GAREM1: variants seen among roughly 807,000 people sequenced by gnomAD.
GAREM1 encodes the protein GRB2 associated regulator of MAPK1 subtype 1, also known as GRB2-associated and regulator of MAPK protein 1.
In GAREM1, 26 loss-of-function variants were observed where a neutral mutation model predicts 71.3. The observed-to-expected ratio is 0.36, with a 90% CI of 0.27 to 0.51. The LOEUF (loss-of-function observed/expected upper bound fraction) is 0.51, where lower values mean the gene tolerates loss of function less well. GAREM1 is among the 20% of genes least tolerant of loss of function. GAREM1 has a pLI of 0.95. For synonymous variants in GAREM1, 440 were observed against 433.2 expected (o/e 1.02, Z -0.20); for missense variants, 1,026 against 1,103.1 (o/e 0.93, Z 0.99).
rs567111529 is a variant in GAREM1 at position 32,268,552 on chromosome 18, A to G, written c.1950T>C (p.Tyr650=). 35 of 1,614,042 alleles carry G rather than the reference A, an allele frequency of 2.2e-5. No homozygotes were observed. Among genetic ancestry groups the G allele is most frequent in the Non-Finnish European group, 2.7e-5 (32 of 1,180,028 alleles). ...CTGGCGTCTTTTGTCTAGGGTAACT[A>G]TAACTCCTGCTTGGATCCAGCAGGA... ...SDFLLDPSRS[Y]SYPRQKTPGT... The change falls in exon 6 of 6, where the codon TAT becomes TAC. Residue 650 remains tyrosine, a synonymous_variant. Transcript: ENST00000269209.
chr18:32,447,581 T>C (rs2048796918), intron 1 of GAREM1, among the ~76,000 whole-genome samples: 1 of 152,180 alleles, frequency 6.6e-6, no homozygotes, highest in South Asian at 2.1e-4. Flanking sequence ...TCTAGAAAAC[T>C]ATTTATTTTA....
chr18:32,423,324 T>TAATAA (rs57816392), intron 1 of GAREM1, among the ~76,000 whole-genome samples: 15,062 of 152,240 alleles, frequency 0.099, 936 homozygotes, highest in African/African-American at 0.18. Context: ...TGCCAGATAT[T>TAATAA]AATAAAATAT....
At chr18:32,450,552 C>T (rs1259253241) in intron 1 of GAREM1, among the ~76,000 whole-genome samples, 1 of 152,164 alleles carries the variant, frequency 6.6e-6, no homozygotes, top group Non-Finnish European at 1.5e-5. Flanking sequence ...GATTTATGAC[C>T]ATTACATTGA....
rs1222141249 is a variant in GAREM1, at chr18:32,470,316, A to G, written c.113T>C (p.Leu38Pro). Residue 38 changes from leucine (L) to proline (P), a missense_variant, in exon 1 of 6, where the codon CTG becomes CCG. Physicochemically the swap from Leu to Pro is moderately conservative, Grantham distance 98. Transcript: ENST00000269209. This position sits in a 1 kb window ranked among gnomAD's most constrained non-coding sequence, Gnocchi z 4.4. Reference protein sequence around the residue: ...STYRLPQIARLDNGECVEGLR... With the variant: ...STYRLPQIARPDNGECVEGLR... ...CCCCAGCTGGGACTCACCGTTGTCCAGGCGCGCGATCTGGGGCAGCCGGTA... is the reference window on the plus strand; with the variant it reads ...CCCCAGCTGGGACTCACCGTTGTCCGGGCGCGCGATCTGGGGCAGCCGGTA... 6.4e-7 allele frequency: 1 copy of G among 1,554,552 alleles called. No individual in the cohort carries two copies. Among genetic ancestry groups the G allele is most frequent in the Non-Finnish European group, 8.7e-7 (1 of 1,153,492 alleles).
At chr18:32,374,667 T>C (rs2048015685) in intron 2 of GAREM1, among the ~76,000 whole-genome samples, 1 of 152,174 alleles carries the variant, frequency 6.6e-6, no homozygotes, top group East Asian at 1.9e-4. Context: ...AATAACACTG[T>C]TCTGTATAAT....
At chr18:32,416,569 C>G (rs1279109364) in intron 1 of GAREM1, among the ~76,000 whole-genome samples, 1 of 152,072 alleles carries the variant, frequency 6.6e-6, no homozygotes, top group African/African-American at 2.4e-5. Flanking sequence ...ATCAAATCCA[C>G]ACACCTACAA....
rs148615940 is a variant in GAREM1, at chr18:32,454,171, C to T, written c.121+16137G>A. On this transcript the variant is annotated intron_variant, in intron 1 of 5. Transcript: ENST00000269209. The stretch of plus-strand genomic sequence containing the variant: ...TTTTCAGTTTAGATTATCTCCCACC[C>T]TGTATTGGGACATTCACAAAAAGTC... Among the ~76,000 whole-genome samples the T allele has an allele frequency of 2.3e-3, 347 of 152,050 alleles. 3 individuals carry two copies. The highest frequency in any genetic ancestry group is 7.9e-3 in the African/African-American group (328 of 41,482).
At chr18:32,378,060 G>A (rs969579742) in intron 2 of GAREM1, among the ~76,000 whole-genome samples, 24 of 139,888 alleles carry the variant, frequency 1.7e-4, no homozygotes, top group Non-Finnish European at 2.5e-4. Context: ...GTGTGTGTGC[G>A]CGCGGGCGCT....
rs375353475 is a variant in GAREM1 at position 32,268,390 on chromosome 18, C to G, written c.2112G>C (p.Glu704Asp). 4 of 1,614,054 alleles carry G rather than the reference C, an allele frequency of 2.5e-6. No individual in the cohort carries two copies. Among genetic ancestry groups the G allele is most frequent in the Non-Finnish European group, 2.5e-6 (3 of 1,180,034 alleles). Residue 704 changes from glutamate (E) to aspartate (D), a missense_variant, in exon 6 of 6, where the codon GAG becomes GAC. This residue lies in a region of GAREM1 where 636 missense variants were observed against 631.2 expected (regional missense o/e 1.01). Transcript: ENST00000269209. ...GCPKSASYSL[E>D]STDVKSLAAG... ...CTGCAAGAGATTTCACATCTGTGCT[C>G]TCCAGAGAGTAGCTGGCTGACTTGG...
chr18:32,431,190 T>C (rs2048621323), intron 1 of GAREM1, among the ~76,000 whole-genome samples: 2 of 151,792 alleles, frequency 1.3e-5, no homozygotes, highest in African/African-American at 4.8e-5. Context: ...GATAAATCAA[T>C]AGAAATTACC....
chr18:32,451,173 A>C (rs2048834914), intron 1 of GAREM1, among the ~76,000 whole-genome samples: 1 of 152,036 alleles, frequency 6.6e-6, no homozygotes, highest in African/African-American at 2.4e-5. Flanking sequence ...GAATGAAAAC[A>C]ATCATGGAAG....
At position 32,367,899 on chromosome 18, in the gene GAREM1, G is replaced by A. The variant is rs138398653; in HGVS notation, c.262+24996C>T. 9.5e-4 allele frequency among the ~76,000 whole-genome samples: 144 copies of A among 152,286 alleles called. 1 individual carries two copies. In the East Asian group the frequency reaches 0.018, roughly 19 times the overall value. ...TTGAGGGATGGGCAGGGAGAAGGGCGTTCCTGAGACAAGGCAGAGTCAAAG... is the reference window on the plus strand; with the variant it reads ...TTGAGGGATGGGCAGGGAGAAGGGCATTCCTGAGACAAGGCAGAGTCAAAG... On this transcript the variant is annotated intron_variant, in intron 2 of 5. Transcript: ENST00000269209.
intron 5 of GAREM1, among the ~76,000 whole-genome samples, chr18:32,269,207 C>T (rs953499986): frequency 9.8e-5 from 15 of 152,302 alleles, no homozygotes; most frequent in Middle Eastern, 3.4e-3. Context: ...CATCACACCA[C>T]CCGTGACTCT....
At chr18:32,269,767 T>A (rs1031841554) in intron 5 of GAREM1, among the ~76,000 whole-genome samples, 7 of 152,130 alleles carry the variant, frequency 4.6e-5, no homozygotes, top group Non-Finnish European at 1.0e-4. Flanking sequence ...AAATGACCAC[T>A]CAACAGTGAT....
rs549366931 is a variant in GAREM1, at chr18:32,470,076, A to G, written c.121+232T>C. Reference sequence around the variant, plus strand: ...GTCTCCCTATGTTGACTTTTTTTTTAGGGCGTCCTTTTTAATTATACTGCA... The same window carrying G: ...GTCTCCCTATGTTGACTTTTTTTTTGGGGCGTCCTTTTTAATTATACTGCA... On this transcript the variant is annotated intron_variant, in intron 1 of 5. Coordinates refer to ENST00000269209, the MANE Select transcript of GAREM1 (RefSeq NM_001242409.2). This position sits in a 1 kb window ranked among gnomAD's most constrained non-coding sequence, Gnocchi z 4.4. Among the ~76,000 whole-genome samples the G allele has an allele frequency of 6.7e-6, 1 of 150,318 alleles. No individual in the cohort carries two copies. Among genetic ancestry groups the G allele is most frequent in the Non-Finnish European group, 1.5e-5 (1 of 67,476 alleles).
At chr18:32,349,487 T>C (rs1301192001) in intron 2 of GAREM1, among the ~76,000 whole-genome samples, 1 of 152,196 alleles carries the variant, frequency 6.6e-6, no homozygotes, top group Non-Finnish European at 1.5e-5. Context: ...TAATACAAGG[T>C]ATCAGAATTC....
intron 2 of GAREM1, among the ~76,000 whole-genome samples, chr18:32,334,179 T>A (rs2047565953): frequency 6.6e-6 from 1 of 152,084 alleles, no homozygotes; most frequent in African/African-American, 2.4e-5. Context: ...CACTTTCCCA[T>A]CAGAAAAATC....
At chr18:32,381,108 T>G (rs2048093236) in intron 2 of GAREM1, among the ~76,000 whole-genome samples, 1 of 152,026 alleles carries the variant, frequency 6.6e-6, no homozygotes, top group Non-Finnish European at 1.5e-5. Context: ...AGCCTGAGAC[T>G]TTTGTGCACC....
chr18:32,316,698 A>T (rs1205106527), intron 2 of GAREM1, among the ~76,000 whole-genome samples: 1 of 152,168 alleles, frequency 6.6e-6, no homozygotes, highest in Non-Finnish European at 1.5e-5. Context: ...TGCCCACCTC[A>T]GCCTCCCAAA....
Sources: gnomAD v4.1 joint callset for allele counts (sites outside exome capture counted in the v4.1 genomes callset) on GRCh38, gnomAD v4.1.1 for gene constraint, gnomAD v4.1.1 regional missense constraint, Gnocchi (gnomAD v3.1) non-coding constraint, MANE v1.5 for transcripts, NCBI Gene and HGNC (gene_info 2026-07-23, HGNC 2026-07-21) for gene names.